KCNH8: variants seen among roughly 807,000 people sequenced by gnomAD.
The protein encoded by KCNH8 is voltage-gated delayed rectifier potassium channel KCNH8.
Under a neutral mutation model 103.6 loss-of-function variants are expected in KCNH8, and 70 were observed. That is an observed-to-expected ratio of 0.68 (90% CI 0.56 to 0.82). The LOEUF (loss-of-function observed/expected upper bound fraction) is 0.82. Ranked by LOEUF, KCNH8 falls within the 40% of genes least tolerant of loss-of-function variation. The pLI, the probability that KCNH8 is intolerant of heterozygous loss-of-function variation, is 0.00. For synonymous variants in KCNH8, 498 were observed against 489.4 expected (o/e 1.02, Z -0.23); for missense variants, 1,217 against 1,329.9 (o/e 0.92, Z 1.32).
chr3:19,499,021 A>C (rs1022297286), intron 11 of KCNH8, among the ~76,000 whole-genome samples: 1 of 152,150 alleles, frequency 6.6e-6, no homozygotes, highest in African/African-American at 2.4e-5. Context: ...AAATCAAAGG[A>C]AAAGAAGTTG....
At chr3:19,374,066 T>C (rs552832142) in intron 5 of KCNH8, among the ~76,000 whole-genome samples, 95 of 152,208 alleles carry the variant, frequency 6.2e-4, no homozygotes, top group Non-Finnish European at 8.5e-4. Context: ...GGTGTGGTGC[T>C]CAAAAAAATG....
At chr3:19,309,117 A>G (rs2065177716) in intron 3 of KCNH8, among the ~76,000 whole-genome samples, 1 of 151,828 alleles carries the variant, frequency 6.6e-6, no homozygotes, top group South Asian at 2.1e-4. Context: ...TAGATTTAGC[A>G]TGCTTGGTTG....
chr3:19,166,902 A>G (rs2063291034), intron 1 of KCNH8, among the ~76,000 whole-genome samples: 1 of 152,210 alleles, frequency 6.6e-6, no homozygotes, highest in Non-Finnish European at 1.5e-5. Context: ...TGACAAGGCC[A>G]CTAGTGGTTA....
At chr3:19,304,133 A>G (rs187763948) in intron 3 of KCNH8, among the ~76,000 whole-genome samples, 5 of 152,332 alleles carry the variant, frequency 3.3e-5, no homozygotes, top group Admixed American at 2.0e-4. Context: ...CAAGAAGTCT[A>G]TACCCTTTCA....
At chr3:19,166,130 T>C (rs916060704) in intron 1 of KCNH8, among the ~76,000 whole-genome samples, 1 of 152,176 alleles carries the variant, frequency 6.6e-6, no homozygotes, top group South Asian at 2.1e-4. Flanking sequence ...TCCATCATAT[T>C]TGCCTTATTA....
chr3:19,466,743 G>C (rs539252421), intron 11 of KCNH8, among the ~76,000 whole-genome samples: 82 of 129,288 alleles, frequency 6.3e-4, no homozygotes, highest in Non-Finnish European at 7.3e-4. Flanking sequence ...AGCTTACTGA[G>C]ATCCATCTCC....
At chr3:19,154,019 T>C (rs2063156548) in intron 1 of KCNH8, among the ~76,000 whole-genome samples, 1 of 152,216 alleles carries the variant, frequency 6.6e-6, no homozygotes, top group Admixed American at 6.5e-5. Context: ...GGATTATCTT[T>C]TTCTCAAATG....
In KCNH8 at chr3:19,236,093, A is replaced by G. The variant is rs147988007; in HGVS notation, c.77-17561A>G. On this transcript the variant is annotated intron_variant, in intron 1 of 15. Transcript: ENST00000328405. ...CTTGGTGGCATAGTCTTAGACCTTTAAATAGTATATAAAAGGCTCTGCAGA... is the reference window on the plus strand; with the variant it reads ...CTTGGTGGCATAGTCTTAGACCTTTGAATAGTATATAAAAGGCTCTGCAGA... Among the ~76,000 whole-genome samples the G allele has an allele frequency of 1.1e-3, 169 of 152,292 alleles. No homozygotes were observed. In the East Asian group the frequency reaches 0.027, roughly 25 times the overall value.
chr3:19,469,589 G>A (rs540777587), intron 11 of KCNH8, among the ~76,000 whole-genome samples: 11 of 152,164 alleles, frequency 7.2e-5, no homozygotes, highest in South Asian at 2.1e-4. Context: ...ACAGGCACCC[G>A]TCACAGTATG....
chr3:19,316,730 G>A (rs959618332), intron 3 of KCNH8, among the ~76,000 whole-genome samples: 1 of 151,926 alleles, frequency 6.6e-6, no homozygotes, highest in Non-Finnish European at 1.5e-5. Context: ...TTACTTCTGA[G>A]AATAGAAAAT....
At chr3:19,222,471 A>G (rs913315501) in intron 1 of KCNH8, among the ~76,000 whole-genome samples, 5 of 152,204 alleles carry the variant, frequency 3.3e-5, no homozygotes, top group African/African-American at 1.2e-4. Flanking sequence ...TACTTGAACT[A>G]GAGTTGACTA....
intron 3 of KCNH8, 104 bp from the exon 4 acceptor site, chr3:19,342,483 T>G (rs959907405): frequency 8.9e-7 from 1 of 1,118,356 alleles, no homozygotes; most frequent in East Asian, 2.9e-5. Context: ...TTGTAGGTAT[T>G]GGAAAACATG....
At chr3:19,199,275 A>G (rs867330103) in intron 1 of KCNH8, among the ~76,000 whole-genome samples, 29 of 152,128 alleles carry the variant, frequency 1.9e-4, no homozygotes, top group African/African-American at 6.8e-4. Flanking sequence ...TGCTTTTAGA[A>G]CAGTAAGTTC....
intron 11 of KCNH8, among the ~76,000 whole-genome samples, chr3:19,470,779 G>A (rs1054367070): frequency 6.6e-6 from 1 of 152,100 alleles, no homozygotes; most frequent in Non-Finnish European, 1.5e-5. Context: ...TTTGTGCTGT[G>A]GCATTATAGT....
At position 19,179,073 on chromosome 3, in the gene KCNH8, A is replaced by AT. The variant is rs556630657; in HGVS notation, c.76+30287dup. ...AGGATATATTTTTAGTGTAATAAAC[A>AT]TTTTTTTTTCTTGGCTGAGAGATTA... is the stretch of plus-strand genomic sequence containing the variant. On this transcript the variant is annotated intron_variant, in intron 1 of 15. Transcript: ENST00000328405. Among the ~76,000 whole-genome samples the AT allele has an allele frequency of 1.3e-3, 203 of 151,468 alleles. 1 individual carries two copies. The highest frequency in any genetic ancestry group is 2.3e-3 in the Non-Finnish European group (156 of 67,802).
At chr3:19,346,512 C>T (rs2065731568) in intron 4 of KCNH8, 1 of 420,320 alleles carries the variant, frequency 2.4e-6, no homozygotes, top group Admixed American at 2.5e-5. Flanking sequence ...GAAGTAGAAA[C>T]ATGGGTTGAA....
chr3:19,496,878 T>C (rs995582311), intron 11 of KCNH8, among the ~76,000 whole-genome samples: 5 of 152,342 alleles, frequency 3.3e-5, no homozygotes, highest in African/African-American at 9.6e-5. Context: ...GAACTCATTA[T>C]TGGTCTGTTC....
intron 1 of KCNH8, among the ~76,000 whole-genome samples, chr3:19,229,589 A>ACC (rs1192609898): frequency 6.6e-6 from 1 of 152,112 alleles, no homozygotes; most frequent in Non-Finnish European, 1.5e-5. Context: ...CAGCATGCAG[A>ACC]CCCCAGGCCC....
intron 1 of KCNH8, among the ~76,000 whole-genome samples, chr3:19,224,430 A>C (rs2063907543): frequency 6.6e-6 from 1 of 152,144 alleles, no homozygotes; most frequent in Non-Finnish European, 1.5e-5. Context: ...TAAATAGTCT[A>C]TGTTTAAAGA....
Sources: allele counts gnomAD v4.1 joint callset (sites outside exome capture counted in the v4.1 genomes callset), GRCh38; gene constraint gnomAD v4.1.1; transcripts MANE v1.5; gene names NCBI Gene and HGNC (gene_info 2026-07-23, HGNC 2026-07-21).